RALYL: variants seen among roughly 807,000 people sequenced by gnomAD.
RALYL encodes RALY RNA binding protein like, also known as RNA-binding Raly-like protein.
Under a neutral mutation model 35.1 loss-of-function variants are expected in RALYL, and 29 were observed. The ratio of observed to expected loss-of-function variants is 0.83; its 90% CI spans 0.61 to 1.13. RALYL has a LOEUF of 1.13. Among genes scored for constraint, RALYL ranks in the 50% most tolerant of loss-of-function variants. RALYL has a pLI of 0.00. For missense variants in RALYL, 359 were observed against 360.4 expected (o/e 1.00, Z 0.03); for synonymous variants, 120 against 127.6 (o/e 0.94, Z 0.40).
intron 2 of RALYL, among the ~76,000 whole-genome samples, chr8:84,758,666 A>G (rs979367527): frequency 2.0e-5 from 3 of 152,148 alleles, no homozygotes; most frequent in Non-Finnish European, 2.9e-5. Context: ...AGGGGGAGAA[A>G]ATGAAGGGTA....
At chr8:84,248,290 T>C (rs1829522607) in intron 1 of RALYL, among the ~76,000 whole-genome samples, 1 of 152,106 alleles carries the variant, frequency 6.6e-6, no homozygotes, top group African/African-American at 2.4e-5. Flanking sequence ...AGGGGGCTTA[T>C]GGGAGTAAAT....
At chr8:84,526,891 G>C (rs1375987403) in intron 1 of RALYL, among the ~76,000 whole-genome samples, 1 of 152,118 alleles carries the variant, frequency 6.6e-6, no homozygotes, top group African/African-American at 2.4e-5. Context: ...GTAGTTTAAT[G>C]TCTTAAAAAC....
intron 2 of RALYL, among the ~76,000 whole-genome samples, chr8:84,751,001 A>T (rs1563516810): frequency 6.6e-6 from 1 of 152,152 alleles, no homozygotes; most frequent in South Asian, 2.1e-4. Flanking sequence ...AAAGAAAGTG[A>T]CTATAGTCAC....
intron 1 of RALYL, among the ~76,000 whole-genome samples, chr8:84,528,994 T>G (rs2059095582): frequency 6.6e-6 from 1 of 152,218 alleles, no homozygotes; most frequent in African/African-American, 2.4e-5. Flanking sequence ...CCTCAAACTT[T>G]CTTTTGCAAA....
At chr8:84,581,492 AC>A (rs1487284474) in intron 2 of RALYL, among the ~76,000 whole-genome samples, 2 of 152,210 alleles carry the variant, frequency 1.3e-5, no homozygotes, top group African/African-American at 2.4e-5. Flanking sequence ...GAATCTGAGG[AC>A]TACGTTAACT....
intron 1 of RALYL, among the ~76,000 whole-genome samples, chr8:84,349,197 G>T (rs1850390070): frequency 6.7e-6 from 1 of 150,202 alleles, no homozygotes; most frequent in African/African-American, 2.5e-5. Context: ...TTAAAACCCA[G>T]TTTATTTGGC....
At position 84,323,579 on chromosome 8, in the gene RALYL, T is replaced by C. The variant is rs536283476; in HGVS notation, c.-24+139155T>C. ...GCTGAGCTCTTCAGAATAAACAGTC[T>C]AGTTTATTCTGTGCATTTCAATGCA... On this transcript the variant is annotated intron_variant, in intron 1 of 8. Coordinates refer to ENST00000521268, the MANE Select transcript of RALYL (RefSeq NM_173848.7). Among the ~76,000 whole-genome samples the C allele has an allele frequency of 3.3e-4, 50 of 152,234 alleles. 1 individual carries two copies. The East Asian group carries it at 9.7e-3, about 29-fold the overall frequency.
intron 2 of RALYL, among the ~76,000 whole-genome samples, chr8:84,687,211 T>C (rs1564374488): frequency 6.6e-6 from 1 of 152,198 alleles, no homozygotes; most frequent in Non-Finnish European, 1.5e-5. Context: ...TGTATTCTTA[T>C]ATTACATGGA....
chr8:84,272,818 G>A (rs554304876), intron 1 of RALYL, among the ~76,000 whole-genome samples: 4 of 152,286 alleles, frequency 2.6e-5, no homozygotes, highest in African/African-American at 9.6e-5. Context: ...ATTAGAAAAA[G>A]TTGACATTTT....
chr8:84,518,282 T>C (rs2058210483), intron 1 of RALYL, among the ~76,000 whole-genome samples: 1 of 152,204 alleles, frequency 6.6e-6, no homozygotes, highest in South Asian at 2.1e-4. Context: ...AATTTTTAAT[T>C]TCTACATTTC....
intron 2 of RALYL, among the ~76,000 whole-genome samples, chr8:84,719,873 C>G (rs1305562436): frequency 6.6e-6 from 1 of 152,120 alleles, no homozygotes; most frequent in Non-Finnish European, 1.5e-5. Context: ...CTCCTCCTGT[C>G]TAACTGTGAC....
intron 2 of RALYL, among the ~76,000 whole-genome samples, chr8:84,647,691 G>T (rs181701329): frequency 9.9e-5 from 15 of 152,124 alleles, no homozygotes; most frequent in Admixed American, 9.2e-4. Context: ...AACTCCTGGT[G>T]TCATGAAGCT....
chr8:84,694,354 C>A (rs1237688826), intron 2 of RALYL, among the ~76,000 whole-genome samples: 1 of 151,742 alleles, frequency 6.6e-6, no homozygotes, highest in African/African-American at 2.4e-5. Context: ...AGAAAACAAT[C>A]TCGTTTACAT....
At chr8:84,581,186 G>A (rs1421160001) in intron 2 of RALYL, among the ~76,000 whole-genome samples, 3 of 152,112 alleles carry the variant, frequency 2.0e-5, no homozygotes, top group African/African-American at 4.8e-5. Context: ...GCATCATTTC[G>A]ATTTCCTTCC....
chr8:84,386,139 A>C (rs1859148105), intron 1 of RALYL, among the ~76,000 whole-genome samples: 1 of 151,778 alleles, frequency 6.6e-6, no homozygotes, highest in Non-Finnish European at 1.5e-5. Context: ...AATAGACTAC[A>C]TTTAAGAATT....
At chr8:84,458,178 C>A (rs190463146) in intron 1 of RALYL, among the ~76,000 whole-genome samples, 2 of 151,936 alleles carry the variant, frequency 1.3e-5, no homozygotes, top group African/African-American at 4.8e-5. Context: ...TCAACTTCAT[C>A]TGTACTTTGC....
intron 2 of RALYL, among the ~76,000 whole-genome samples, chr8:84,564,239 A>C (rs1304904408): frequency 1.3e-5 from 2 of 151,712 alleles, no homozygotes; most frequent in Non-Finnish European, 3.0e-5. Context: ...TCTTATGTAC[A>C]CTATGAAATA....
intron 4 of RALYL, among the ~76,000 whole-genome samples, chr8:84,806,216 T>G (rs868278709): frequency 7.9e-5 from 12 of 152,262 alleles, no homozygotes; most frequent in South Asian, 2.1e-4. Context: ...ATTTGAAGAC[T>G]ACATGGAAAA....
chr8:84,514,750 T>C (rs1008747293), intron 1 of RALYL, among the ~76,000 whole-genome samples: 6 of 152,196 alleles, frequency 3.9e-5, no homozygotes, highest in Admixed American at 1.3e-4. Context: ...GAATAGTCAT[T>C]ATGTGCCCTT....
Sources: allele counts gnomAD v4.1 joint callset (sites outside exome capture counted in the v4.1 genomes callset), GRCh38; gene constraint gnomAD v4.1.1; transcripts MANE v1.5; gene names NCBI Gene and HGNC (gene_info 2026-07-23, HGNC 2026-07-21).